Variants in COL7A1 observed in about 807,000 individuals in gnomAD.
The protein encoded by COL7A1 is collagen type VII alpha 1 chain.
In COL7A1, 296 loss-of-function variants were observed where a neutral mutation model predicts 456.2. The observed-to-expected ratio is 0.65, with a 90% CI of 0.59 to 0.71. COL7A1 has a LOEUF of 0.71. Ranked by LOEUF, COL7A1 falls within the 30% of genes least tolerant of loss-of-function variation. The pLI is 0.00. For synonymous variants in COL7A1, 1,464 were observed against 1,525.9 expected (o/e 0.96, Z 0.95); for missense variants, 3,441 against 4,017.2 (o/e 0.86, Z 3.88).
Position 48,571,622 on chromosome 3 carries a change from G to A in COL7A1, c.7069-344C>T, listed in dbSNP as rs759534671. 1 of 657,356 alleles carries A rather than the reference G, an allele frequency of 1.5e-6. No individual in the cohort carries two copies. The highest frequency in any genetic ancestry group is 2.9e-6 in the Non-Finnish European group (1 of 346,554). 40.7% of individuals were successfully genotyped at this position (657,356 alleles called of 1,614,324 possible). On this transcript the variant is annotated intron_variant, in intron 92 of 118. Coordinates refer to ENST00000681320, the MANE Select transcript of COL7A1 (RefSeq NM_000094.4). The surrounding 1 kb of genome is among the most constrained non-coding windows in gnomAD (Gnocchi z 4.6). ...CCCAACACGTCCACTCCCGGGTAGA[G>A]CAGGCATGGCCACAGGCTGAACGCT...
In COL7A1 at chr3:48,589,645, C is replaced by T. The variant is rs760735053; in HGVS notation, c.2124G>A (p.Arg708=). The change falls in exon 17 of 119, where the codon AGG becomes AGA. Residue 708 remains arginine (R), a synonymous_variant. Coordinates refer to ENST00000681320, the MANE Select transcript of COL7A1 (RefSeq NM_000094.4). ...CCCTGTATCCTGTGGCGCCAGGAAC[C>T]CTGGTCCAGGTAATGGTGACAGATG... ...SSSSVTITWT[R]VPGATGYRVS... 13 of 1,613,888 alleles carry T rather than the reference C, an allele frequency of 8.1e-6. No homozygotes were observed. The Admixed American group carries it at 2.2e-4, about 27-fold the overall frequency.
Position 48,587,206 on chromosome 3 carries a change from A to G in COL7A1, c.3123T>C (p.Ser1041=). 6.2e-6 allele frequency: 10 copies of G among 1,613,688 alleles called. No homozygotes were observed. Among genetic ancestry groups the G allele is most frequent in the Non-Finnish European group, 8.5e-6 (10 of 1,179,912 alleles). ...VLDGVRGPEA[S]VTQTPVCPRG... Reference sequence around the variant, plus strand: ...CCACTATACCTGGCGTCTGTGTGACAGATGCCTCAGGACCCCGCACACCAT... The same window carrying G: ...CCACTATACCTGGCGTCTGTGTGACGGATGCCTCAGGACCCCGCACACCAT... Residue 1041 remains serine, a synonymous_variant, in exon 24 of 119, where the codon TCT becomes TCC. Transcript: ENST00000681320. The surrounding 1 kb of genome is among the most constrained non-coding windows in gnomAD (Gnocchi z 6.1).
At position 48,594,248 on chromosome 3, in the gene COL7A1, G is replaced by C. The variant is rs1469749398; in HGVS notation, c.266+120C>G. ...GGAGGTCCTGGCTAGGGGGTCTCTA[G>C]GTTCCCCAAAACTTGTTTCTGCAAA... On this transcript the variant is annotated intron_variant, in intron 3 of 118. Coordinates refer to ENST00000681320, the MANE Select transcript of COL7A1 (RefSeq NM_000094.4). The surrounding 1 kb of genome is among the most constrained non-coding windows in gnomAD (Gnocchi z 5.5). The C allele has an allele frequency of 1.6e-6, 2 of 1,213,462 alleles. No individual in the cohort carries two copies. Among genetic ancestry groups the C allele is most frequent in the Non-Finnish European group, 2.3e-6 (2 of 854,236 alleles). 75.2% of individuals were successfully genotyped at this position (1,213,462 alleles called of 1,614,324 possible).
In COL7A1 at chr3:48,581,229, C is replaced by A; in HGVS notation, c.4899+31G>T. ...CTGGCAACAGCCCTACTCCCTTACC[C>A]GCCATGACTCCCCCGACTCCAGCCT... On this transcript the variant is annotated intron_variant, in intron 52 of 118. Coordinates refer to ENST00000681320, the MANE Select transcript of COL7A1 (RefSeq NM_000094.4). This position sits in a 1 kb window ranked among gnomAD's most constrained non-coding sequence, Gnocchi z 5.8. 6.2e-7 allele frequency: 1 copy of A among 1,612,240 alleles called. No individual in the cohort carries two copies. Among genetic ancestry groups the A allele is most frequent in the East Asian group, 2.2e-5 (1 of 44,820 alleles).
rs773361013 is a variant in COL7A1 at position 48,592,914 on chromosome 3, C to T, written c.707G>A (p.Arg236Gln). ...GCTTGGCTCAGACAGCACCAGGTCT[C>T]GTGGAGCAGAGGTCGAGTCATCCGC... ...RPPDDSTSAP[R>Q]DLVLSEPSSQ... The change falls in exon 7 of 119, where the codon CGA becomes CAA. Residue 236 changes from arginine to glutamine, a missense_variant. Physicochemically the swap from Arg to Gln is conservative, Grantham distance 43. Around this residue, in one of 3 missense-constraint regions of COL7A1, gnomAD observed 913 missense variants for 1,088.2 expected, o/e 0.84. Coordinates refer to ENST00000681320, the MANE Select transcript of COL7A1 (RefSeq NM_000094.4). The surrounding 1 kb of genome is among the most constrained non-coding windows in gnomAD (Gnocchi z 7.6). 29 of 1,613,782 alleles carry T rather than the reference C, an allele frequency of 1.8e-5. No individual in the cohort carries two copies. The highest frequency in any genetic ancestry group is 2.3e-5 in the Non-Finnish European group (27 of 1,180,006).
At chr3:48,577,698 A>T (rs1432467961) in intron 65 of COL7A1, among the ~76,000 whole-genome samples, 1 of 152,160 alleles carries the variant, frequency 6.6e-6, no homozygotes, top group Non-Finnish European at 1.5e-5. Flanking sequence ...CATGTCTCTA[A>T]GTGCCCCAAA....
chr3:48,571,267 C>T lies in COL7A1; in HGVS notation c.7080G>A (p.Gly2360=), dbSNP rs768904830. Residue 2360 remains glycine (G), a synonymous_variant, in exon 93 of 119, where the codon GGG becomes GGA. Coordinates refer to ENST00000681320, the MANE Select transcript of COL7A1 (RefSeq NM_000094.4). The surrounding 1 kb of genome is among the most constrained non-coding windows in gnomAD (Gnocchi z 4.6). ...CCTTGAAACCTTTGGGTCCTGGAGCCCCTTTCTGACCCTAAGAAAACCCAG... is the reference window on the plus strand; with the variant it reads ...CCTTGAAACCTTTGGGTCCTGGAGCTCCTTTCTGACCCTAAGAAAACCCAG... ...PGDPGEDGQK[G]APGPKGFKGD... The T allele has an allele frequency of 2.1e-5, 34 of 1,614,040 alleles. No individual in the cohort carries two copies. In the South Asian group the frequency reaches 3.6e-4, roughly 17 times the overall value.
chr3:48,565,257 G>A lies in COL7A1; in HGVS notation c.8528-56C>T, dbSNP rs975284002. 70 of 1,548,762 alleles carry A rather than the reference G, an allele frequency of 4.5e-5. 1 individual carries two copies. The highest frequency in any genetic ancestry group is 6.0e-5 in the Non-Finnish European group (68 of 1,129,140). On this transcript the variant is annotated intron_variant, in intron 116 of 118. Coordinates refer to ENST00000681320, the MANE Select transcript of COL7A1 (RefSeq NM_000094.4). This position sits in a 1 kb window ranked among gnomAD's most constrained non-coding sequence, Gnocchi z 4.5. ...GTGGCTGCTGGCCCCGGGGCAAGGTGGGCAGCACTGATTTCCACTGTGTGC... is the reference window on the plus strand; with the variant it reads ...GTGGCTGCTGGCCCCGGGGCAAGGTAGGCAGCACTGATTTCCACTGTGTGC...
Position 48,584,471 on chromosome 3 carries a change from T to C in COL7A1, c.4119+14A>G. On this transcript the variant is annotated intron_variant, in intron 36 of 118. Coordinates refer to ENST00000681320, the MANE Select transcript of COL7A1 (RefSeq NM_000094.4). ...CCACTACACATCACTTGCCTCCACA[T>C]ACCCTGCACTTACCGATGGTCCAGG... 1 of 1,613,660 alleles carries C rather than the reference T, an allele frequency of 6.2e-7. No homozygotes were observed. Among genetic ancestry groups the C allele is most frequent in the South Asian group, 1.1e-5 (1 of 91,054 alleles).
chr3:48,583,598 T>C lies in COL7A1; in HGVS notation c.4359A>G (p.Gly1453=). ...CAGGTTGTCCTGGGAGGCCTGGAGC[T>C]CCATCCTCAGAGTCACCCTGAAGGA... The part of the protein sequence containing the change: ...KKGEKGDSED[G]APGLPGQPGS... Residue 1453 remains glycine (G), a synonymous_variant, in exon 41 of 119, where the codon GGA becomes GGG. Transcript: ENST00000681320. The surrounding 1 kb of genome is among the most constrained non-coding windows in gnomAD (Gnocchi z 5.1). The C allele has an allele frequency of 1.2e-6, 2 of 1,613,970 alleles. No homozygotes were observed. The highest frequency in any genetic ancestry group is 1.7e-6 in the Non-Finnish European group (2 of 1,179,988).
Position 48,567,251 on chromosome 3 carries a change from C to A in COL7A1, c.8047-61G>T. The A allele has an allele frequency of 1.3e-6, 2 of 1,596,428 alleles. No individual in the cohort carries two copies. Among genetic ancestry groups the A allele is most frequent in the Non-Finnish European group, 1.7e-6 (2 of 1,167,314 alleles). ...TGACCTCCCTCAGCTCTGGAACCTCCCTGAACTCCCATGAGCTCCCTGGCC... is the reference window on the plus strand; with the variant it reads ...TGACCTCCCTCAGCTCTGGAACCTCACTGAACTCCCATGAGCTCCCTGGCC... On this transcript the variant is annotated intron_variant, in intron 109 of 118. Transcript: ENST00000681320. This position sits in a 1 kb window ranked among gnomAD's most constrained non-coding sequence, Gnocchi z 4.3.
In COL7A1 at chr3:48,568,974, C is replaced by T. The variant is rs1330589267; in HGVS notation, c.7687-119G>A. 7 of 962,358 alleles carry T rather than the reference C, an allele frequency of 7.3e-6. No individual in the cohort carries two copies. Among genetic ancestry groups the T allele is most frequent in the African/African-American group, 3.2e-5 (2 of 62,010 alleles). The allele number at this position is 962,358 out of a possible 1,614,324, so 59.6% of individuals were successfully genotyped here. Reference sequence around the variant, plus strand: ...TCACTCCCGAACGGCCCTAGCAGCACGTCCTCCCAGCCTGTGCCATAGCGG... The same window carrying T: ...TCACTCCCGAACGGCCCTAGCAGCATGTCCTCCCAGCCTGTGCCATAGCGG... On this transcript the variant is annotated intron_variant, in intron 103 of 118. Transcript: ENST00000681320. This position sits in a 1 kb window ranked among gnomAD's most constrained non-coding sequence, Gnocchi z 5.2.
rs879030029 is a variant in COL7A1, at chr3:48,575,105, G to A, written c.6238C>T (p.Leu2080Phe). 6.2e-7 allele frequency: 1 copy of A among 1,613,434 alleles called. No homozygotes were observed. Among genetic ancestry groups the A allele is most frequent in the Non-Finnish European group, 8.5e-7 (1 of 1,179,730 alleles). The change falls in exon 76 of 119, where the codon CTC becomes TTC. Residue 2080 changes from leucine (L) to phenylalanine (F), a missense_variant. Leu to Phe is a conservative substitution (Grantham distance 22, BLOSUM62 0). Around this residue, in one of 3 missense-constraint regions of COL7A1, gnomAD observed 2,084 missense variants for 2,501.3 expected, o/e 0.83. Transcript: ENST00000681320. This position sits in a 1 kb window ranked among gnomAD's most constrained non-coding sequence, Gnocchi z 6.3. ...GEQGRDGPPG[L>F]PGTPGPPGPP... is the part of the protein sequence containing the mutation. Reference sequence around the variant, plus strand: ...CCGGGGGGCCCAGGGGTTCCAGGGAGTCCAGGAGGGCCATCTCTGCCCTGC... The same window carrying A: ...CCGGGGGGCCCAGGGGTTCCAGGGAATCCAGGAGGGCCATCTCTGCCCTGC...
rs768883178 is a variant in COL7A1 at position 48,593,332 on chromosome 3, C to G, written c.520+24G>C. On this transcript the variant is annotated intron_variant, in intron 5 of 118. Coordinates refer to ENST00000681320, the MANE Select transcript of COL7A1 (RefSeq NM_000094.4). The surrounding 1 kb of genome is among the most constrained non-coding windows in gnomAD (Gnocchi z 4.4). Reference sequence around the variant, plus strand: ...TGACTGCCCCCACCCCCCAGCTGACCTGTCACTCCTGCTCGGTCCTTACCC... The same window carrying G: ...TGACTGCCCCCACCCCCCAGCTGACGTGTCACTCCTGCTCGGTCCTTACCC... The G allele has an allele frequency of 6.2e-7, 1 of 1,614,062 alleles. No homozygotes were observed. Among genetic ancestry groups the G allele is most frequent in the South Asian group, 1.1e-5 (1 of 91,078 alleles).
chr3:48,570,895 C>T lies in COL7A1; in HGVS notation c.7238G>A (p.Gly2413Glu). ...VGFPGQTGPR[G>E]EMGQPGPSGE... ...ACTAGGGCCTGGCTGACCCATCTCTCCTCGAGGGCCTGTCTGACCCGGGAA... is the reference window on the plus strand; with the variant it reads ...ACTAGGGCCTGGCTGACCCATCTCTTCTCGAGGGCCTGTCTGACCCGGGAA... Residue 2413 changes from glycine to glutamate, a missense_variant, in exon 95 of 119, where the codon GGA (glycine) becomes GAA (glutamate). Physicochemically the swap from Gly to Glu is moderately conservative, Grantham distance 98 (BLOSUM62 -2). This residue lies in a region of COL7A1 where 2,084 missense variants were observed against 2,501.3 expected (regional missense o/e 0.83). Transcript: ENST00000681320. The surrounding 1 kb of genome is among the most constrained non-coding windows in gnomAD (Gnocchi z 5.5). 1 of 1,613,428 alleles carries T rather than the reference C, an allele frequency of 6.2e-7. No individual in the cohort carries two copies. Among genetic ancestry groups the T allele is most frequent in the Non-Finnish European group, 8.5e-7 (1 of 1,179,860 alleles).
chr3:48,581,985 G>T lies in COL7A1; in HGVS notation c.4636-42C>A. 1 of 1,613,660 alleles carries T rather than the reference G, an allele frequency of 6.2e-7. No homozygotes were observed. Among genetic ancestry groups the T allele is most frequent in the South Asian group, 1.1e-5 (1 of 91,076 alleles). On this transcript the variant is annotated intron_variant, in intron 47 of 118. Coordinates refer to ENST00000681320, the MANE Select transcript of COL7A1 (RefSeq NM_000094.4). This position sits in a 1 kb window ranked among gnomAD's most constrained non-coding sequence, Gnocchi z 5.8. The stretch of plus-strand genomic sequence containing the variant: ...CAGATACAGCTTGGCCCTGCCTTGG[G>T]GTTGTATGATCAAAGTCTTCATTGG...
Position 48,587,782 on chromosome 3 carries a change from G to A in COL7A1, c.2857+11C>T. ...GCAGGGGAGGAGCACGCCAAGGTGAGGCAGGCTTACCAGTGCGCGCAGTCA... is the reference window on the plus strand; with the variant it reads ...GCAGGGGAGGAGCACGCCAAGGTGAAGCAGGCTTACCAGTGCGCGCAGTCA... On this transcript the variant is annotated intron_variant, in intron 22 of 118. Coordinates refer to ENST00000681320, the MANE Select transcript of COL7A1 (RefSeq NM_000094.4). This position sits in a 1 kb window ranked among gnomAD's most constrained non-coding sequence, Gnocchi z 6.1. The A allele has an allele frequency of 6.2e-7, 1 of 1,613,434 alleles. No homozygotes were observed. The highest frequency in any genetic ancestry group is 8.5e-7 in the Non-Finnish European group (1 of 1,179,986).
Position 48,593,183 on chromosome 3 carries a change from A to G in COL7A1, c.601T>C (p.Phe201Leu). ...GGCAGTAGTGTCCTCAAGATGCTGA[A>G]GTCATTGACGAAGAAGAAGAAGTCA... ...TSDFFFFVND[F>L]SILRTLLPLV... The change falls in exon 6 of 119, where the codon TTC becomes CTC. Residue 201 changes from phenylalanine to leucine, a missense_variant. Transcript: ENST00000681320. The surrounding 1 kb of genome is among the most constrained non-coding windows in gnomAD (Gnocchi z 4.4). The G allele has an allele frequency of 6.2e-7, 1 of 1,614,094 alleles. No individual in the cohort carries two copies. Among genetic ancestry groups the G allele is most frequent in the Non-Finnish European group, 8.5e-7 (1 of 1,180,014 alleles).
Position 48,571,056 on chromosome 3 carries a change from G to T in COL7A1, c.7164+45C>A. ...AGAACTCCCTCTTCCTCCTGTGGGG[G>T]CCCGGCCTGCTGCCCCTACAACTGG... On this transcript the variant is annotated intron_variant, in intron 94 of 118. Transcript: ENST00000681320. The surrounding 1 kb of genome is among the most constrained non-coding windows in gnomAD (Gnocchi z 4.6). The T allele has an allele frequency of 6.2e-7, 1 of 1,612,204 alleles. No individual in the cohort carries two copies. The highest frequency in any genetic ancestry group is 8.5e-7 in the Non-Finnish European group (1 of 1,178,500).
Sources: gnomAD v4.1 joint callset for allele counts (sites outside exome capture counted in the v4.1 genomes callset) on GRCh38, gnomAD v4.1.1 for gene constraint, gnomAD v4.1.1 regional missense constraint, Gnocchi (gnomAD v3.1) non-coding constraint, MANE v1.5 for transcripts, NCBI Gene and HGNC (gene_info 2026-07-23, HGNC 2026-07-21) for gene names.